KPNA3: variants seen among roughly 807,000 people sequenced by gnomAD.
The protein encoded by KPNA3 is importin subunit alpha-4.
KPNA3 carries 13 observed loss-of-function variants against 73.8 expected under a neutral mutation model. The ratio of observed to expected loss-of-function variants is 0.18; its 90% CI spans 0.11 to 0.28. The LOEUF (loss-of-function observed/expected upper bound fraction) is 0.28, where lower values mean the gene tolerates loss of function less well. Ranked by LOEUF, KPNA3 falls within the 10% of genes least tolerant of loss-of-function variation. The pLI is 1.00. For missense variants in KPNA3, 360 were observed against 618.1 expected (o/e 0.58, Z 4.43); for synonymous variants, 186 against 206.9 (o/e 0.90, Z 0.87).
At chr13:49,771,030 A>C (rs149507524) in intron 1 of KPNA3, among the ~76,000 whole-genome samples, 53 of 151,728 alleles carry the variant, frequency 3.5e-4, no homozygotes, top group Non-Finnish European at 6.3e-4. Flanking sequence ...TGAGTCCTTC[A>C]ACTTAGTTCT....
In KPNA3 at chr13:49,706,429, T is replaced by G. The variant is rs1485299438; in HGVS notation, c.1033-57A>C. 4 of 1,157,278 alleles carry G rather than the reference T, an allele frequency of 3.5e-6. No homozygotes were observed. In the East Asian group the frequency reaches 1.0e-4, roughly 29 times the overall value. The allele number at this position is 1,157,278 out of a possible 1,614,324, so 71.7% of individuals were successfully genotyped here. On this transcript the variant is annotated intron_variant, in intron 12 of 16. Coordinates refer to ENST00000261667, the MANE Select transcript of KPNA3 (RefSeq NM_002267.4). ...TTTGAAAAATAATACCTTTAATGTC[T>G]TTCTAATATATTTTATATAGACAAT...
intron 6 of KPNA3, among the ~76,000 whole-genome samples, chr13:49,731,705 CT>C (rs1429519701): frequency 2.6e-5 from 4 of 152,052 alleles, no homozygotes; most frequent in African/African-American, 9.7e-5. Context: ...GGAGTTCAAA[CT>C]TATATTCTCC....
At chr13:49,768,266 G>C (rs112137355) in intron 1 of KPNA3, among the ~76,000 whole-genome samples, 6 of 133,426 alleles carry the variant, frequency 4.5e-5, no homozygotes, top group African/African-American at 1.4e-4. Context: ...GCAACAGTGC[G>C]AGACTCTGTC....
At chr13:49,771,958 C>T (rs1954859529) in intron 1 of KPNA3, among the ~76,000 whole-genome samples, 1 of 152,124 alleles carries the variant, frequency 6.6e-6, no homozygotes, top group African/African-American at 2.4e-5. Context: ...CCACACCTGG[C>T]CTGTTTTAAT....
At chr13:49,775,162 C>CAAAAAAAAAAAAAA (rs60494803) in intron 1 of KPNA3, among the ~76,000 whole-genome samples, 88 of 93,060 alleles carry the variant, frequency 9.5e-4, no homozygotes, top group Middle Eastern at 6.9e-3. Context: ...GACTCTGTCT[C>CAAAAAAAAAAAAAA]AAAAAAAAAA....
At chr13:49,743,871 T>C (rs535842079) in intron 2 of KPNA3, among the ~76,000 whole-genome samples, 1 of 152,158 alleles carries the variant, frequency 6.6e-6, no homozygotes, top group Non-Finnish European at 1.5e-5. Context: ...TGGTGGCAGA[T>C]GGTGTAATGT....
At chr13:49,703,751 T>TATAC (rs1443513573) in intron 15 of KPNA3, among the ~76,000 whole-genome samples, 1 of 152,186 alleles carries the variant, frequency 6.6e-6, no homozygotes, top group Non-Finnish European at 1.5e-5. Flanking sequence ...CCACACATCA[T>TATAC]ATACATGTTT....
chr13:49,742,455 G>A (rs770626482), intron 2 of KPNA3, among the ~76,000 whole-genome samples: 1 of 151,500 alleles, frequency 6.6e-6, no homozygotes, highest in African/African-American at 2.4e-5. Context: ...AAACTTTTCT[G>A]TTCCACTGTT....
At chr13:49,715,045 C>G (rs1022900895) in intron 10 of KPNA3, among the ~76,000 whole-genome samples, 2 of 151,832 alleles carry the variant, frequency 1.3e-5, no homozygotes, top group Non-Finnish European at 2.9e-5. Context: ...ATAGAATTTT[C>G]TCTACAGACA....
chr13:49,784,139 C>T (rs555296883), intron 1 of KPNA3, among the ~76,000 whole-genome samples: 1 of 152,212 alleles, frequency 6.6e-6, no homozygotes, highest in South Asian at 2.1e-4. Context: ...GTCCTAGCTA[C>T]TCAAGACGCT....
At position 49,700,897 on chromosome 13, in the gene KPNA3, GTTTT is replaced by G. The variant is rs937959338; in HGVS notation, c.*899_*902del. ...CCAATGGGTATTTTAGACTTTTGCA[GTTTT>G]TTTTTGTTTGCTTTTTGTTTTGCTG... is the stretch of plus-strand genomic sequence containing the variant. On this transcript the variant is annotated 3_prime_UTR_variant, in exon 17 of 17. Transcript: ENST00000261667. 9.9e-5 allele frequency: 15 copies of G among 151,968 alleles called. No individual in the cohort carries two copies. Among genetic ancestry groups the G allele is most frequent in the South Asian group, 8.3e-4 (4 of 4,800 alleles). The allele number at this position is 151,968 out of a possible 1,614,324, so 9.4% of individuals were successfully genotyped here. A position where few individuals can be genotyped will look rare whatever the true frequency, so the allele number is the denominator to read the frequency against.
At chr13:49,723,327 T>C (rs1279529565) in intron 7 of KPNA3, among the ~76,000 whole-genome samples, 1 of 151,964 alleles carries the variant, frequency 6.6e-6, no homozygotes, top group African/African-American at 2.4e-5. Context: ...ATCCTAACAC[T>C]CTGGGAGGCC....
intron 6 of KPNA3, among the ~76,000 whole-genome samples, chr13:49,727,464 GAAAGAAAAA>G (rs1194097019): frequency 5.5e-5 from 8 of 145,626 alleles, no homozygotes; most frequent in African/African-American, 2.0e-4. Flanking sequence ...AAAAAAAAAA[GAAAGAAAAA>G]AGAGAAAAAA....
At chr13:49,766,031 CTTAA>C (rs980459425) in intron 1 of KPNA3, among the ~76,000 whole-genome samples, 2 of 152,180 alleles carry the variant, frequency 1.3e-5, no homozygotes, top group African/African-American at 4.8e-5. Context: ...ACTGGTCTTA[CTTAA>C]TTTACTGTTT....
At chr13:49,721,076 G>A (rs1248966054) in intron 9 of KPNA3, among the ~76,000 whole-genome samples, 1 of 151,890 alleles carries the variant, frequency 6.6e-6, no homozygotes, top group African/African-American at 2.4e-5. Context: ...AAAACTAGCC[G>A]GGTGTGGTGG....
chr13:49,779,340 T>A (rs1240106471), intron 1 of KPNA3, among the ~76,000 whole-genome samples: 2 of 152,180 alleles, frequency 1.3e-5, no homozygotes, highest in Non-Finnish European at 2.9e-5. Flanking sequence ...CTTAGACCCT[T>A]CATTCTCTAT....
chr13:49,788,670 C>T (rs1157719494), intron 1 of KPNA3, among the ~76,000 whole-genome samples: 6 of 149,072 alleles, frequency 4.0e-5, no homozygotes, highest in East Asian at 2.0e-4. Flanking sequence ...TATAGTGAGC[C>T]GAGATTGGGC....
chr13:49,773,482 T>C (rs1015511139), intron 1 of KPNA3, among the ~76,000 whole-genome samples: 1 of 152,166 alleles, frequency 6.6e-6, no homozygotes, highest in Non-Finnish European at 1.5e-5. Context: ...ATTAATACCA[T>C]ATTATGCACT....
intron 2 of KPNA3, among the ~76,000 whole-genome samples, chr13:49,734,820 TTTA>T (rs1295396916): frequency 6.6e-6 from 1 of 152,134 alleles, no homozygotes; most frequent in Non-Finnish European, 1.5e-5. Context: ...TCTTCTTGTG[TTTA>T]TTCATTACTA....
Sources: gnomAD v4.1 joint callset for allele counts (sites outside exome capture counted in the v4.1 genomes callset) on GRCh38, gnomAD v4.1.1 for gene constraint, MANE v1.5 for transcripts, NCBI Gene and HGNC (gene_info 2026-07-23, HGNC 2026-07-21) for gene names.